GXYLT2: variants seen among roughly 807,000 people sequenced by gnomAD.
The protein encoded by GXYLT2 is glucoside xylosyltransferase 2, also known as glycosyltransferase 8 domain containing 4.
Under a neutral mutation model 45.8 loss-of-function variants are expected in GXYLT2, and 53 were observed. The ratio of observed to expected loss-of-function variants is 1.16; its 90% CI spans 0.93 to 1.46. GXYLT2 has a LOEUF of 1.46. Ranked by LOEUF, GXYLT2 falls within the 40% of genes most tolerant of loss-of-function variation. The pLI, the probability that GXYLT2 is intolerant of heterozygous loss-of-function variation, is 0.00. For missense variants in GXYLT2, 551 were observed against 544.4 expected, an observed-to-expected ratio of 1.01 and a Z score of -0.12; for synonymous variants, 219 against 214.2, an observed-to-expected ratio of 1.02 and a Z score of -0.19.
intron 6 of GXYLT2, among the ~76,000 whole-genome samples, chr3:72,968,934 G>A (rs1454970457): frequency 6.6e-6 from 1 of 152,012 alleles, no homozygotes; most frequent in Non-Finnish European, 1.5e-5. Context: ...TGCTGGGTGT[G>A]GTGGCGAGCG....
rs947199046 is a variant in GXYLT2 at position 72,975,913 on chromosome 3, T to C, written c.*754T>C. 1 of 142,024 alleles carries C rather than the reference T, an allele frequency of 7.0e-6. No individual in the cohort carries two copies. Among genetic ancestry groups the C allele is most frequent in the African/African-American group, 2.6e-5 (1 of 38,216 alleles). The allele number at this position is 142,024 out of a possible 1,614,324, so 8.8% of individuals were successfully genotyped here. A position where few individuals can be genotyped will look rare whatever the true frequency, so the allele number is the denominator to read the frequency against. On this transcript the variant is annotated 3_prime_UTR_variant, in exon 7 of 7. Coordinates refer to ENST00000389617, the MANE Select transcript of GXYLT2 (RefSeq NM_001080393.2). ...AGCATGTATCTGGGGGTATTTCTTC[T>C]TTTTCTTTCTTTCTTTTTTTTTTTT...
chr3:72,969,199 C>T (rs1400263186), intron 6 of GXYLT2, among the ~76,000 whole-genome samples: 2 of 151,836 alleles, frequency 1.3e-5, no homozygotes, highest in African/African-American at 4.8e-5. Context: ...ATGCAACTTT[C>T]TCAAGAAAAC....
At chr3:72,911,704 A>G (rs888400374) in intron 2 of GXYLT2, among the ~76,000 whole-genome samples, 2 of 152,176 alleles carry the variant, frequency 1.3e-5, no homozygotes, top group African/African-American at 4.8e-5. Context: ...CCTGAAACAG[A>G]ACAACCCAGC....
rs115071976 is a variant in GXYLT2, at chr3:72,895,864, C to T, written c.275+7356C>T. Among the ~76,000 whole-genome samples the T allele has an allele frequency of 6.5e-3, 991 of 152,290 alleles. 12 individuals carry two copies. Among genetic ancestry groups the T allele is most frequent in the African/African-American group, 0.023 (946 of 41,560 alleles). ...TTCAAGTGACTTTTAGATGATCCCCCATCTCTTTTAGCAACATGAGAGACT... is the reference window on the plus strand; with the variant it reads ...TTCAAGTGACTTTTAGATGATCCCCTATCTCTTTTAGCAACATGAGAGACT... On this transcript the variant is annotated intron_variant, in intron 1 of 6. Transcript: ENST00000389617.
chr3:72,966,507 T>C (rs1366059562), intron 5 of GXYLT2, among the ~76,000 whole-genome samples: 1 of 133,494 alleles, frequency 7.5e-6, no homozygotes, highest in Non-Finnish European at 1.5e-5. Flanking sequence ...CGTCACAGGC[T>C]AGAGTGCAGT....
chr3:72,942,953 T>G (rs898845632), intron 3 of GXYLT2, among the ~76,000 whole-genome samples: 1 of 152,202 alleles, frequency 6.6e-6, no homozygotes, highest in Non-Finnish European at 1.5e-5. Context: ...ACTGTTCTCT[T>G]GTTATGTAAG....
At chr3:72,911,991 G>GTATATATATA (rs1285660987) in intron 2 of GXYLT2, among the ~76,000 whole-genome samples, 165 of 131,758 alleles carry the variant, frequency 1.3e-3, no homozygotes, top group African/African-American at 4.8e-3. Context: ...GTGTGTGTGT[G>GTATATATATA]TGTATATATA....
rs554417366 is a variant in GXYLT2 at position 72,938,710 on chromosome 3, A to C, written c.600+16375A>C. Among the ~76,000 whole-genome samples the C allele has an allele frequency of 5.1e-4, 78 of 152,364 alleles. 2 individuals carry two copies. In the South Asian group the frequency reaches 0.016, roughly 31 times the overall value. ...GAACATCTTAGAGAGCCATTATCTC[A>C]GAACATGCCGGAGAAACCAGATACT... On this transcript the variant is annotated intron_variant, in intron 3 of 6. Coordinates refer to ENST00000389617, the MANE Select transcript of GXYLT2 (RefSeq NM_001080393.2).
chr3:72,934,909 C>A (rs1485039125), intron 3 of GXYLT2, among the ~76,000 whole-genome samples: 1 of 152,188 alleles, frequency 6.6e-6, no homozygotes, highest in African/African-American at 2.4e-5. Flanking sequence ...AGAACACTGA[C>A]ATGGAAGGAT....
At chr3:72,901,475 A>AAG (rs1709406247) in intron 1 of GXYLT2, among the ~76,000 whole-genome samples, 1 of 151,446 alleles carries the variant, frequency 6.6e-6, no homozygotes, top group South Asian at 2.1e-4. Context: ...AAAGAAAAAA[A>AAG]AAAAGTATAC....
At chr3:72,903,821 T>C (rs1709451688) in intron 1 of GXYLT2, among the ~76,000 whole-genome samples, 1 of 152,242 alleles carries the variant, frequency 6.6e-6, no homozygotes, top group Non-Finnish European at 1.5e-5. Flanking sequence ...AACATCTTTT[T>C]AGGACCTTCG....
intron 5 of GXYLT2, among the ~76,000 whole-genome samples, chr3:72,958,291 T>C (rs952068885): frequency 4.7e-5 from 7 of 147,376 alleles, no homozygotes; most frequent in African/African-American, 1.8e-4. Context: ...AAAAAAAAAA[T>C]TAAAACTATG....
intron 2 of GXYLT2, among the ~76,000 whole-genome samples, chr3:72,913,705 T>A (rs1453540783): frequency 6.6e-6 from 1 of 151,792 alleles, no homozygotes; most frequent in Non-Finnish European, 1.5e-5. Flanking sequence ...AAAAAATAAA[T>A]AAATAAAAAT....
At chr3:72,920,819 T>TATATATATATATATATGTA (rs1491486551) in intron 2 of GXYLT2, among the ~76,000 whole-genome samples, 3 of 96,554 alleles carry the variant, frequency 3.1e-5, no homozygotes, top group African/African-American at 6.7e-5. Context: ...TATATATGTA[T>TATATATATATATATATGTA]TTTTTTTTTT....
Position 72,974,986 on chromosome 3 carries a change from C to A in GXYLT2, c.1159C>A (p.Gln387Lys), listed in dbSNP as rs778304792. The change falls in exon 7 of 7, where the codon CAA (glutamine) becomes AAA (lysine). Residue 387 changes from glutamine to lysine, a missense_variant. By Grantham distance (53) the Gln-to-Lys change is moderately conservative. Coordinates refer to ENST00000389617, the MANE Select transcript of GXYLT2 (RefSeq NM_001080393.2). The part of the protein sequence containing the change: ...LYEAIRDFPF[Q>K]DNLFQSMYYP... ...TTTTGTCATCTTTCAGTTTCCCTTT[C>A]AAGACAATCTCTTTCAATCCATGTA... is the stretch of plus-strand genomic sequence containing the variant. The A allele has an allele frequency of 3.2e-6, 5 of 1,542,900 alleles. No homozygotes were observed. The highest frequency in any genetic ancestry group is 4.4e-6 in the Non-Finnish European group (5 of 1,141,878).
intron 1 of GXYLT2, 83 bp downstream of exon 1, chr3:72,888,591 C>T (rs1380311598): frequency 2.1e-6 from 2 of 939,372 alleles, no homozygotes; most frequent in Non-Finnish European, 1.3e-6. Flanking sequence ...GGAGGCTTTG[C>T]GCTGGAGAGA....
chr3:72,970,108 T>C (rs1710959098), intron 6 of GXYLT2, among the ~76,000 whole-genome samples: 1 of 151,902 alleles, frequency 6.6e-6, no homozygotes, highest in Non-Finnish European at 1.5e-5. Flanking sequence ...CCTAGCACAT[T>C]GGGAGGCTGA....
At chr3:72,911,157 T>G (rs1397721379) in intron 2 of GXYLT2, among the ~76,000 whole-genome samples, 1 of 152,078 alleles carries the variant, frequency 6.6e-6, no homozygotes, top group African/African-American at 2.4e-5. Context: ...CTGGGTGTAG[T>G]GGAGTGCGCC....
chr3:72,912,013 A>ATATTTTT (rs1156864738), intron 2 of GXYLT2, among the ~76,000 whole-genome samples: 10 of 114,886 alleles, frequency 8.7e-5, no homozygotes, highest in African/African-American at 4.0e-4. Context: ...ATATATATAT[A>ATATTTTT]TTTTTTTTTT....
Sources: gnomAD v4.1 joint callset for allele counts (sites outside exome capture counted in the v4.1 genomes callset) on GRCh38, gnomAD v4.1.1 for gene constraint, MANE v1.5 for transcripts, NCBI Gene and HGNC (gene_info 2026-07-23, HGNC 2026-07-21) for gene names.